U2SURP: variants seen among roughly 807,000 people sequenced by gnomAD.
U2SURP encodes the protein U2 snRNP associated SURP domain containing.
Under a neutral mutation model 144.9 loss-of-function variants are expected in U2SURP, and 9 were observed. That is an observed-to-expected ratio of 0.06 (90% CI 0.04 to 0.11). The LOEUF (loss-of-function observed/expected upper bound fraction) is 0.11, where lower values mean the gene tolerates loss of function less well. Among genes scored for constraint, U2SURP ranks in the 10% least tolerant of loss-of-function variants. The pLI is 1.00. For synonymous variants in U2SURP, 408 were observed against 396.8 expected (o/e 1.03, Z -0.33); for missense variants, 724 against 1,226.7 (o/e 0.59, Z 6.12).
intron 25 of U2SURP, among the ~76,000 whole-genome samples, chr3:143,051,629 CAAT>C (rs781015474): frequency 2.7e-3 from 316 of 115,226 alleles, no homozygotes; most frequent in Middle Eastern, 0.011. Context: ...AAAGAAAAAC[CAAT>C]AATAATGAGA....
intron 2 of U2SURP, chr3:143,011,965 A>C (rs934184050): frequency 6.9e-6 from 4 of 578,880 alleles, no homozygotes; most frequent in Non-Finnish European, 1.3e-5. Flanking sequence ...CTTGAAAATG[A>C]AGGTAACGAA....
chr3:143,051,646 T>C (rs1934870102), intron 25 of U2SURP, among the ~76,000 whole-genome samples: 1 of 142,994 alleles, frequency 7.0e-6, no homozygotes, highest in African/African-American at 2.6e-5. Flanking sequence ...AATGAGATTA[T>C]ATAGAAAGTG....
chr3:143,017,098 G>A, intron 6 of U2SURP, 123 bp downstream of exon 6: 2 of 864,362 alleles, frequency 2.3e-6, no homozygotes, highest in East Asian at 3.2e-5. Context: ...TAGATGTTAA[G>A]TTTTGATGCT....
At position 143,021,358 on chromosome 3, in the gene U2SURP, C is replaced by A. The variant is rs1376083993; in HGVS notation, c.742C>A (p.Pro248Thr). The A allele has an allele frequency of 2.5e-6, 4 of 1,597,696 alleles. No individual in the cohort carries two copies. Among genetic ancestry groups the A allele is most frequent in the Non-Finnish European group, 3.4e-6 (4 of 1,171,002 alleles). The change falls in exon 9 of 28, where the codon CCT becomes ACT. Residue 248 changes from proline (P) to threonine (T), a missense_variant. Pro to Thr is a conservative substitution (Grantham distance 38, BLOSUM62 -1). This residue lies in a region of U2SURP where 115 missense variants were observed against 258.1 expected (regional missense o/e 0.45). Transcript: ENST00000473835. The stretch of plus-strand genomic sequence containing the variant: ...CTTTTCTCCCCTTTAAGTGGACGCG[C>A]CTTCAAGAAGAAATAGATCATCTGG... ...SDGQRRSMDAPSRRNRSSGVL... is the reference protein window; with the variant it reads ...SDGQRRSMDATSRRNRSSGVL...
chr3:143,001,888 T>G (rs3902877), intron 1 of U2SURP, among the ~76,000 whole-genome samples: 106,437 of 152,112 alleles, frequency 0.7, 37,793 homozygotes, highest in African/African-American at 0.84. Flanking sequence ...GCGTGCCCAG[T>G]GGGTGGAGGC....
chr3:143,018,569 A>G (rs1936491718), intron 6 of U2SURP, among the ~76,000 whole-genome samples: 1 of 152,062 alleles, frequency 6.6e-6, no homozygotes, highest in African/African-American at 2.4e-5. Context: ...ATACATGTAT[A>G]TACACACACC....
intron 6 of U2SURP, 140 bp downstream of exon 6, chr3:143,017,115 C>A: frequency 1.5e-6 from 1 of 688,656 alleles, no homozygotes; most frequent in Non-Finnish European, 2.2e-6. Context: ...TGCTTTCTAA[C>A]CCAGTAATTT....
At chr3:143,022,457 C>T (rs1439521264) in intron 10 of U2SURP, 40 bp from the exon 11 acceptor site, 4 of 1,421,236 alleles carry the variant, frequency 2.8e-6, no homozygotes, top group Middle Eastern at 1.9e-4. Flanking sequence ...TTTTCTTTTC[C>T]CTTTTTTGCA....
intron 12 of U2SURP, among the ~76,000 whole-genome samples, 175 bp from the exon 13 acceptor site, chr3:143,023,800 A>G (rs969433823): frequency 2.6e-5 from 4 of 152,216 alleles, no homozygotes; most frequent in East Asian, 3.8e-4. Flanking sequence ...CACTGAACAC[A>G]TCCATTTGCA....
chr3:143,047,746 G>A (rs575885356), intron 24 of U2SURP, among the ~76,000 whole-genome samples: 1 of 76,700 alleles, frequency 1.3e-5, no homozygotes, highest in Admixed American at 1.3e-4. Flanking sequence ...CTGGCCGGGC[G>A]GGGGGCTGAC....
chr3:143,008,918 T>C (rs1042663371), intron 1 of U2SURP, among the ~76,000 whole-genome samples: 2 of 152,090 alleles, frequency 1.3e-5, no homozygotes, highest in Admixed American at 1.3e-4. Context: ...CTGGCTAATT[T>C]TTGTATTTTT....
rs973100642 is a variant in U2SURP at position 143,060,629 on chromosome 3, C to G, written c.*4179C>G. 6 of 151,962 alleles carry G rather than the reference C, an allele frequency of 3.9e-5. No homozygotes were observed. The highest frequency in any genetic ancestry group is 3.9e-4 in the Admixed American group (6 of 15,246). The allele number at this position is 151,962 out of a possible 1,614,324, so 9.4% of individuals were successfully genotyped here. On this transcript the variant is annotated 3_prime_UTR_variant, in exon 28 of 28. Coordinates refer to ENST00000473835, the MANE Select transcript of U2SURP (RefSeq NM_001080415.2). ...AATTAGTTTTTTAGCAGCTTTCTCT[C>G]AAGTGAAATAAGTGATGTGACATGT... is the stretch of plus-strand genomic sequence containing the variant.
At position 143,036,005 on chromosome 3, in the gene U2SURP, A is replaced by G. The variant is rs1277017584; in HGVS notation, c.1965A>G (p.Arg655=). The G allele has an allele frequency of 6.2e-7, 1 of 1,609,092 alleles. No homozygotes were observed. The highest frequency in any genetic ancestry group is 8.5e-7 in the Non-Finnish European group (1 of 1,178,364). The change falls in exon 20 of 28, where the codon AGA becomes AGG. Residue 655 remains arginine (R), a synonymous_variant. Transcript: ENST00000473835. Reference sequence around the variant, plus strand: ...AGCAACGGGTAATGACTTGCTTCAGAGCATGGGAAGATTGGGCAATTTATC... The same window carrying G: ...AGCAACGGGTAATGACTTGCTTCAGGGCATGGGAAGATTGGGCAATTTATC... ...NFKQRVMTCF[R]AWEDWAIYPE...
At chr3:143,002,651 A>T (rs1935597789) in intron 1 of U2SURP, among the ~76,000 whole-genome samples, 1 of 152,180 alleles carries the variant, frequency 6.6e-6, no homozygotes, top group Non-Finnish European at 1.5e-5. Context: ...TGTGACTGTA[A>T]ATCGGCTATT....
chr3:143,027,393 T>C, intron 14 of U2SURP, 140 bp downstream of exon 14: 1 of 617,454 alleles, frequency 1.6e-6, no homozygotes, highest in Admixed American at 3.1e-5. Flanking sequence ...CAGAACTTTT[T>C]TCATCTTCCA....
intron 24 of U2SURP, among the ~76,000 whole-genome samples, chr3:143,043,847 C>G (rs1004905749): frequency 6.6e-6 from 1 of 151,388 alleles, no homozygotes; most frequent in African/African-American, 2.4e-5. Flanking sequence ...CGGCTCACTG[C>G]AAGCTCTCCC....
chr3:143,038,868 T>G, intron 22 of U2SURP, 26 bp from the exon 23 acceptor site: 2 of 1,515,482 alleles, frequency 1.3e-6, no homozygotes, highest in East Asian at 5.0e-5. Context: ...CTCGTGGAAT[T>G]ACATCCTCCT....
intron 25 of U2SURP, among the ~76,000 whole-genome samples, chr3:143,053,141 A>G (rs1934972909): frequency 1.3e-5 from 2 of 152,098 alleles, no homozygotes; most frequent in South Asian, 4.2e-4. Context: ...CAATTTGTTT[A>G]TAGTTAGAGG....
intron 1 of U2SURP, among the ~76,000 whole-genome samples, chr3:143,007,664 A>G (rs970900241): frequency 2.6e-5 from 4 of 151,866 alleles, no homozygotes; most frequent in African/African-American, 9.7e-5. Flanking sequence ...GATGGTCTTG[A>G]TCTCCTCTGA....
Sources: gnomAD v4.1 joint callset for allele counts (sites outside exome capture counted in the v4.1 genomes callset) on GRCh38, gnomAD v4.1.1 for gene constraint, gnomAD v4.1.1 regional missense constraint, MANE v1.5 for transcripts, NCBI Gene and HGNC (gene_info 2026-07-23, HGNC 2026-07-21) for gene names.